Variants in SPG7 observed in about 807,000 individuals in gnomAD.
SPG7 encodes SPG7 matrix AAA peptidase subunit, paraplegin, also known as mitochondrial inner membrane m-AAA protease component paraplegin.
A neutral mutation model predicts 81.9 loss-of-function variants in SPG7; 103 were observed. The ratio of observed to expected loss-of-function variants is 1.26; its 90% CI spans 1.07 to 1.48. The LOEUF (loss-of-function observed/expected upper bound fraction) is 1.48, where lower values mean the gene tolerates loss of function less well. SPG7 is among the 40% of genes most tolerant of loss of function. The pLI is 0.00. For missense variants in SPG7, 1,241 were observed against 1,087.3 expected (o/e 1.14, Z -1.99); for synonymous variants, 534 against 444.2 (o/e 1.20, Z -2.54).
At chr16:89,550,878 C>T (rs956463352) in intron 13 of SPG7, among the ~76,000 whole-genome samples, 1 of 152,128 alleles carries the variant, frequency 6.6e-6, no homozygotes, top group Non-Finnish European at 1.5e-5. Flanking sequence ...TGGGGTGACT[C>T]GTGGAAGGTT....
At chr16:89,545,747 C>T (rs1376343046) in intron 10 of SPG7, 7 of 308,948 alleles carry the variant, frequency 2.3e-5, no homozygotes, top group South Asian at 1.0e-4. Flanking sequence ...AGGATTTAGA[C>T]GCATGGAACA....
At chr16:89,548,343 T>C (rs2058592215) in intron 12 of SPG7, 3 of 508,850 alleles carry the variant, frequency 5.9e-6, no homozygotes, top group Non-Finnish European at 1.0e-5. Flanking sequence ...AAATAAAAAA[T>C]GCCTTGCCAA....
chr16:89,529,939 A>G, intron 6 of SPG7: 1 of 334,660 alleles, frequency 3.0e-6, no homozygotes, highest in South Asian at 2.6e-5. Flanking sequence ...TCCCGCATTC[A>G]AGCAATTCTC....
intron 10 of SPG7, 31 bp downstream of exon 10, chr16:89,544,803 C>G: frequency 1.2e-6 from 2 of 1,613,116 alleles, no homozygotes; most frequent in Non-Finnish European, 1.7e-6. Flanking sequence ...CTCTCCCACT[C>G]CACCTGGGCC....
intron 7 of SPG7, 37 bp from the exon 8 acceptor site, chr16:89,531,867 C>G: frequency 1.9e-6 from 3 of 1,612,670 alleles, no homozygotes; most frequent in Non-Finnish European, 2.5e-6. Flanking sequence ...AACGGAATCC[C>G]CAAGTAGTTA....
At chr16:89,529,829 A>C in intron 6 of SPG7, 2 of 548,088 alleles carry the variant, frequency 3.6e-6, no homozygotes, top group South Asian at 4.1e-5. Context: ...AGGGCAGTTG[A>C]ATCTGCGTTT....
chr16:89,508,962 C>T (rs770261021), intron 1 of SPG7: 7 of 497,588 alleles, frequency 1.4e-5, no homozygotes, highest in South Asian at 9.2e-5. Context: ...TCGATTCCGT[C>T]ACCAGGAATT....
At chr16:89,550,318 G>A (rs980373445) in intron 12 of SPG7, 176 bp from the exon 13 acceptor site, 16 of 590,592 alleles carry the variant, frequency 2.7e-5, no homozygotes, top group South Asian at 1.4e-4. Context: ...GACTGCAGGC[G>A]CCCGCCATCA....
chr16:89,529,296 G>T, intron 5 of SPG7, 181 bp from the exon 6 acceptor site: 1 of 640,336 alleles, frequency 1.6e-6, no homozygotes, highest in Non-Finnish European at 2.8e-6. Flanking sequence ...AAAAAGCACA[G>T]TCAGCGAGAA....
chr16:89,523,803 A>G, intron 3 of SPG7: 1 of 732,842 alleles, frequency 1.4e-6, no homozygotes, highest in Non-Finnish European at 2.4e-6. Flanking sequence ...GACCTCAGCG[A>G]ATGAAGTGTG....
intron 10 of SPG7, 134 bp downstream of exon 10, chr16:89,544,906 C>T (rs887726991): frequency 2.7e-6 from 3 of 1,113,426 alleles, no homozygotes; most frequent in East Asian, 2.5e-5. Context: ...CAGTGTCCAG[C>T]GTGGCCCCCG....
Position 89,557,167 on chromosome 16 carries a change from A to C in SPG7, c.*74A>C, listed in dbSNP as rs973588331. Reference sequence around the variant, plus strand: ...ACTCAGCCACCCTGAGTTGCTTTTCAGCTGAGGTTTGCACTTCCTCTCGCG... The same window carrying C: ...ACTCAGCCACCCTGAGTTGCTTTTCCGCTGAGGTTTGCACTTCCTCTCGCG... On this transcript the variant is annotated 3_prime_UTR_variant, in exon 17 of 17. Coordinates refer to ENST00000645818, the MANE Select transcript of SPG7 (RefSeq NM_003119.4). The C allele has an allele frequency of 7.8e-5, 93 of 1,190,086 alleles. 1 individual carries two copies. In the Admixed American group the frequency reaches 1.7e-3, roughly 22 times the overall value. 73.7% of individuals were successfully genotyped at this position (1,190,086 alleles called of 1,614,324 possible).
chr16:89,517,038 G>C (rs563456638), intron 3 of SPG7: 1 of 152,386 alleles, frequency 6.6e-6, no homozygotes, highest in Admixed American at 6.5e-5. Context: ...GGAGGAGGAC[G>C]AGGGGCTGGT....
intron 5 of SPG7, chr16:89,526,804 C>A (rs1042096715): frequency 7.8e-5 from 28 of 358,804 alleles, no homozygotes; most frequent in Non-Finnish European, 1.5e-4. Flanking sequence ...GTCTCAGCCC[C>A]CGACGTAGGA....
At chr16:89,547,096 C>T in intron 11 of SPG7, 5 of 349,446 alleles carry the variant, frequency 1.4e-5, no homozygotes, top group South Asian at 1.2e-4. Flanking sequence ...GCAGTCCCGG[C>T]AAAGCCGCCT....
chr16:89,545,180 C>T (rs575003694), intron 10 of SPG7: 576 of 345,042 alleles, frequency 1.7e-3, no homozygotes, highest in Admixed American at 2.7e-3. Flanking sequence ...CCATCCGTAG[C>T]GTGGGCTCTG....
intron 3 of SPG7, among the ~76,000 whole-genome samples, chr16:89,513,342 C>G (rs192540316): frequency 6.6e-6 from 1 of 151,908 alleles, no homozygotes; most frequent in African/African-American, 2.4e-5. Flanking sequence ...CATGGTGAAA[C>G]CCCGTCTTTA....
chr16:89,509,015 C>G (rs1259952880), intron 1 of SPG7: 1 of 462,568 alleles, frequency 2.2e-6, no homozygotes, highest in Non-Finnish European at 4.3e-6. Flanking sequence ...AGTAGGGGGC[C>G]CAGAACGTTT....
chr16:89,550,348 T>C (rs2058620567), intron 12 of SPG7, 146 bp from the exon 13 acceptor site: 3 of 679,534 alleles, frequency 4.4e-6, no homozygotes. Context: ...AATTTTTCTA[T>C]TTTTAGTAGG....
Sources: gnomAD v4.1 joint callset for allele counts (sites outside exome capture counted in the v4.1 genomes callset) on GRCh38, gnomAD v4.1.1 for gene constraint, MANE v1.5 for transcripts, NCBI Gene and HGNC (gene_info 2026-07-23, HGNC 2026-07-21) for gene names.